Variants in WDPCP observed in about 807,000 individuals in gnomAD.
WDPCP encodes WD repeat containing planar cell polarity effector.
WDPCP carries 71 observed loss-of-function variants against 93.1 expected under a neutral mutation model. That is an observed-to-expected ratio of 0.76 (90% CI 0.63 to 0.93). The LOEUF (loss-of-function observed/expected upper bound fraction) is 0.93, where lower values mean the gene tolerates loss of function less well. WDPCP is among the 40% of genes least tolerant of loss of function. The pLI, the probability that WDPCP is intolerant of heterozygous loss-of-function variation, is 0.00. For synonymous variants in WDPCP, 315 were observed against 315.0 expected, an observed-to-expected ratio of 1.00 and a Z score of 0.00; for missense variants, 844 against 887.4, an observed-to-expected ratio of 0.95 and a Z score of 0.62.
intron 3 of WDPCP, among the ~76,000 whole-genome samples, chr2:63,598,519 C>G (rs188130661): frequency 5.9e-5 from 9 of 152,230 alleles, no homozygotes; most frequent in Admixed American, 5.2e-4. Context: ...AACTGATTTC[C>G]ATATACTTTC....
At chr2:63,763,533 A>G (rs1270110479) in intron 2 of WDPCP, among the ~76,000 whole-genome samples, 1 of 152,002 alleles carries the variant, frequency 6.6e-6, no homozygotes, top group Non-Finnish European at 1.5e-5. Flanking sequence ...TGTTGATGGA[A>G]TAAGTGAATT....
chr2:63,129,819 C>T (rs1040038750), intron 17 of WDPCP, among the ~76,000 whole-genome samples: 1 of 152,148 alleles, frequency 6.6e-6, no homozygotes, highest in South Asian at 2.1e-4. Context: ...ATAATCTATA[C>T]ATATCCTCAC....
At chr2:63,699,298 T>C (rs1403578833) in intron 2 of WDPCP, among the ~76,000 whole-genome samples, 1 of 152,228 alleles carries the variant, frequency 6.6e-6, no homozygotes, top group African/African-American at 2.4e-5. Context: ...ACTTCACAGA[T>C]TGTAATGAAA....
intron 9 of WDPCP, among the ~76,000 whole-genome samples, chr2:63,428,331 C>T (rs1696475280): frequency 6.6e-6 from 1 of 152,056 alleles, no homozygotes; most frequent in South Asian, 2.1e-4. Context: ...ATGCAAAAAT[C>T]CTCAACAAAA....
At chr2:63,604,728 T>G in intron 3 of WDPCP, 3 of 1,614,066 alleles carry the variant, frequency 1.9e-6, no homozygotes, top group Non-Finnish European at 2.5e-6. Flanking sequence ...CTGCTAATGA[T>G]GTAAAGAATG....
intron 2 of WDPCP, among the ~76,000 whole-genome samples, chr2:63,696,906 T>C (rs1482609792): frequency 4.6e-5 from 7 of 152,226 alleles, no homozygotes; most frequent in Admixed American, 1.3e-4. Context: ...AGGTAAAACA[T>C]AGTTCTTCCA....
chr2:63,781,188 T>C (rs1033563675), intron 2 of WDPCP, among the ~76,000 whole-genome samples: 4 of 152,218 alleles, frequency 2.6e-5, no homozygotes, highest in African/African-American at 9.6e-5. Flanking sequence ...TTATTTCCTA[T>C]AGTATTTCCA....
chr2:63,369,247 G>C, intron 12 of WDPCP: 1 of 333,288 alleles, frequency 3.0e-6, no homozygotes, highest in South Asian at 2.5e-5. Flanking sequence ...TTAAAGGCCA[G>C]TTACTTAATA....
intron 2 of WDPCP, among the ~76,000 whole-genome samples, chr2:63,725,656 C>T (rs925746796): frequency 7.9e-5 from 12 of 152,170 alleles, no homozygotes; most frequent in South Asian, 2.1e-4. Context: ...AATTTACACT[C>T]CCACCAACAG....
At chr2:63,643,704 A>G (rs994752804) in intron 3 of WDPCP, 6 of 496,282 alleles carry the variant, frequency 1.2e-5, no homozygotes, top group African/African-American at 9.8e-5. Flanking sequence ...CCTCAGATGT[A>G]ATATGATGAA....
intron 9 of WDPCP, among the ~76,000 whole-genome samples, chr2:63,420,359 C>CT (rs1470948055): frequency 1.8e-4 from 9 of 50,130 alleles, no homozygotes; most frequent in Admixed American, 3.5e-4. Context: ...CCCATCTTTA[C>CT]TTAAAAAAAA....
intron 17 of WDPCP, among the ~76,000 whole-genome samples, chr2:63,126,666 GTTTTTTTTT>G (rs763749429): frequency 2.0e-5 from 2 of 98,116 alleles, no homozygotes; most frequent in Admixed American, 1.2e-4. Flanking sequence ...CTTGTTTTGT[GTTTTTTTTT>G]TTTTTTTTTT....
chr2:63,584,861 G>C (rs1390604746), intron 1 of WDPCP, among the ~76,000 whole-genome samples: 2 of 152,018 alleles, frequency 1.3e-5, no homozygotes, highest in Admixed American at 1.3e-4. Flanking sequence ...AAAAACTCAA[G>C]GTTAGGTAGC....
At chr2:63,572,003 A>G (rs943499514) in intron 1 of WDPCP, among the ~76,000 whole-genome samples, 7 of 152,210 alleles carry the variant, frequency 4.6e-5, no homozygotes, top group Non-Finnish European at 8.8e-5. Flanking sequence ...CAACTCCAGT[A>G]AACTTTAACA....
chr2:63,497,069 G>T (rs979672048), intron 1 of WDPCP, among the ~76,000 whole-genome samples: 2 of 127,852 alleles, frequency 1.6e-5, no homozygotes, highest in African/African-American at 3.0e-5. Context: ...TCAAGATCAT[G>T]CCACTGCACT....
intron 2 of WDPCP, among the ~76,000 whole-genome samples, chr2:63,812,537 T>C (rs1670877703): frequency 6.6e-6 from 1 of 152,206 alleles, no homozygotes; most frequent in Non-Finnish European, 1.5e-5. Flanking sequence ...CAACAGTGTA[T>C]AAGCATTCCC....
intron 14 of WDPCP, among the ~76,000 whole-genome samples, chr2:63,252,100 G>T (rs1020658096): frequency 1.3e-5 from 2 of 152,134 alleles, no homozygotes; most frequent in South Asian, 4.1e-4. Flanking sequence ...GATCAAGCAG[G>T]CTTTACTCTT....
chr2:63,559,762 C>T (rs1265058179), intron 1 of WDPCP, among the ~76,000 whole-genome samples: 1 of 152,080 alleles, frequency 6.6e-6, no homozygotes. Context: ...AACTACAATC[C>T]ACTGCTTAAG....
intron 1 of WDPCP, among the ~76,000 whole-genome samples, chr2:63,537,267 T>C (rs1704359488): frequency 6.6e-6 from 1 of 152,194 alleles, no homozygotes; most frequent in South Asian, 2.1e-4. Context: ...CAAATACATC[T>C]AGTTTTCTTC....
Sources: allele counts gnomAD v4.1 joint callset (sites outside exome capture counted in the v4.1 genomes callset), GRCh38; gene constraint gnomAD v4.1.1; transcripts MANE v1.5; gene names NCBI Gene and HGNC (gene_info 2026-07-23, HGNC 2026-07-21).